Variants in SLAMF7 observed in about 807,000 individuals in gnomAD.
SLAMF7 encodes the protein 19A24 protein.
SLAMF7 carries 26 observed loss-of-function variants against 34.1 expected under a neutral mutation model. The observed-to-expected ratio is 0.76, with a 90% CI of 0.56 to 1.06. The LOEUF is 1.06. SLAMF7 is among the 50% of genes least tolerant of loss of function. SLAMF7 has a pLI of 0.00. For synonymous variants in SLAMF7, 171 were observed against 156.4 expected (o/e 1.09, Z -0.70); for missense variants, 399 against 402.5 (o/e 0.99, Z 0.07).
rs913713032 is a variant in SLAMF7 at position 160,751,428 on chromosome 1, G to A, written c.853G>A (p.Asp285Asn). 5.6e-6 allele frequency: 9 copies of A among 1,613,532 alleles called. No homozygotes were observed. Among genetic ancestry groups the A allele is most frequent in the South Asian group, 3.3e-5 (3 of 91,066 alleles). Residue 285 changes from aspartate to asparagine, a missense_variant, in exon 5 of 7, where the codon GAC (aspartate) becomes AAC (asparagine). By Grantham distance (23) the Asp-to-Asn change is conservative. Coordinates refer to ENST00000368043, the MANE Select transcript of SLAMF7 (RefSeq NM_021181.5). ...CPHSGENTEY[D>N]TIPHTNRTIL... ...CCATTCTGGAGAGAACACAGAGTAC[G>A]ACACAATCCCTCACACTAATGTGAG...
At chr1:160,751,567 A>C (rs1664589086) in intron 5 of SLAMF7, 119 bp downstream of exon 5, 4 of 751,594 alleles carry the variant, frequency 5.3e-6, no homozygotes, top group South Asian at 4.9e-5. Context: ...ATATAGACTT[A>C]AAACTCAATG....
At chr1:160,750,523 G>T in intron 4 of SLAMF7, 100 bp downstream of exon 4, 1 of 1,419,396 alleles carries the variant, frequency 7.0e-7, no homozygotes, top group Non-Finnish European at 9.6e-7. Context: ...TTGGCATGAG[G>T]TGTTGAAGAT....
chr1:160,748,590 G>T, intron 2 of SLAMF7, 76 bp downstream of exon 2: 4 of 1,344,288 alleles, frequency 3.0e-6, no homozygotes, highest in Non-Finnish European at 4.1e-6. Context: ...AGATGTTTAA[G>T]CAGAGGCTGA....
chr1:160,746,639 T>C (rs541111857), intron 1 of SLAMF7, among the ~76,000 whole-genome samples: 199 of 152,334 alleles, frequency 1.3e-3, no homozygotes, highest in African/African-American at 4.6e-3. Context: ...CATAGGGTAA[T>C]TGATTGCAAA....
Position 160,751,409 on chromosome 1 carries a change from T to A in SLAMF7, c.834T>A (p.Ser278=), listed in dbSNP as rs1490564569. ...CRETPNICPH[S]GENTEYDTIP... ...AAACTCCTAACATATGCCCCCATTCTGGAGAGAACACAGAGTACGACACAA... is the reference window on the plus strand; with the variant it reads ...AAACTCCTAACATATGCCCCCATTCAGGAGAGAACACAGAGTACGACACAA... The change falls in exon 5 of 7, where the codon TCT becomes TCA. Residue 278 remains serine, a synonymous_variant. Coordinates refer to ENST00000368043, the MANE Select transcript of SLAMF7 (RefSeq NM_021181.5). The A allele has an allele frequency of 6.2e-7, 1 of 1,614,014 alleles. No homozygotes were observed. The highest frequency in any genetic ancestry group is 8.5e-7 in the Non-Finnish European group (1 of 1,179,884).
intron 1 of SLAMF7, among the ~76,000 whole-genome samples, chr1:160,741,323 A>T (rs1663725217): frequency 6.6e-6 from 1 of 152,202 alleles, no homozygotes; most frequent in African/African-American, 2.4e-5. Flanking sequence ...GAACCAGAAG[A>T]AACAAGGAAG....
At chr1:160,749,066 A>G (rs1035896280) in intron 2 of SLAMF7, among the ~76,000 whole-genome samples, 1 of 152,196 alleles carries the variant, frequency 6.6e-6, no homozygotes, top group African/African-American at 2.4e-5. Context: ...AACTTCTTCA[A>G]GAAGAATAGC....
Position 160,748,367 on chromosome 1 carries a change from A to C in SLAMF7, c.229A>C (p.Asn77His). ...GGTIIVTQNR[N>H]RERVDFPDGG... ...CACTATCATAGTGACCCAAAATCGT[A>C]ATAGGGAGAGAGTAGACTTCCCAGA... The change falls in exon 2 of 7, where the codon AAT (asparagine) becomes CAT (histidine). Residue 77 changes from asparagine to histidine, a missense_variant. By Grantham distance (68) the Asn-to-His change is moderately conservative (BLOSUM62 1). Coordinates refer to ENST00000368043, the MANE Select transcript of SLAMF7 (RefSeq NM_021181.5). 6.2e-7 allele frequency: 1 copy of C among 1,614,090 alleles called. No individual in the cohort carries two copies. The highest frequency in any genetic ancestry group is 8.5e-7 in the Non-Finnish European group (1 of 1,179,978).
In SLAMF7 at chr1:160,739,351, T is replaced by C. The variant is rs1663547337; in HGVS notation, c.50T>C (p.Leu17Pro). The change falls in exon 1 of 7, where the codon CTC becomes CCC. Residue 17 changes from leucine (L) to proline (P), a missense_variant. Physicochemically the swap from Leu to Pro is moderately conservative, Grantham distance 98. Coordinates refer to ENST00000368043, the MANE Select transcript of SLAMF7 (RefSeq NM_021181.5). The stretch of plus-strand genomic sequence containing the variant: ...ACCCTCATCTATATCCTTTGGCAGC[T>C]CACAGGTGAGTCCGGCCGGATTCTC... ...CLTLIYILWQ[L>P]TGSAASGPVK... is the part of the protein sequence containing the mutation. 1 of 1,613,264 alleles carries C rather than the reference T, an allele frequency of 6.2e-7. No homozygotes were observed. The highest frequency in any genetic ancestry group is 1.3e-5 in the African/African-American group (1 of 74,904).
chr1:160,748,295 T>C lies in SLAMF7; in HGVS notation c.157T>C (p.Trp53Arg). Reference protein sequence around the residue: ...SKVKQVDSIVWTFNTTPLVTI... With the variant: ...SKVKQVDSIVRTFNTTPLVTI... The stretch of plus-strand genomic sequence containing the variant: ...AGTAAAGCAAGTTGACTCTATTGTC[T>C]GGACCTTCAACACAACCCCTCTTGT... The change falls in exon 2 of 7, where the codon TGG (tryptophan) becomes CGG (arginine). Residue 53 changes from tryptophan (W) to arginine (R), a missense_variant. Trp to Arg is a moderately radical substitution (Grantham distance 101). Coordinates refer to ENST00000368043, the MANE Select transcript of SLAMF7 (RefSeq NM_021181.5). 1 of 1,614,126 alleles carries C rather than the reference T, an allele frequency of 6.2e-7. No individual in the cohort carries two copies. The highest frequency in any genetic ancestry group is 1.3e-5 in the African/African-American group (1 of 75,042).
At chr1:160,748,083 G>GT in intron 1 of SLAMF7, 111 bp from the exon 2 acceptor site, 2 of 1,084,582 alleles carry the variant, frequency 1.8e-6, no homozygotes, top group Non-Finnish European at 2.6e-6. Context: ...CCAGGAGGTT[G>GT]TTGTGTTGGA....
rs34181635 is a variant in SLAMF7, at chr1:160,750,041, C to T, written c.597C>T (p.Asn199=). ...TGACCTTCATCTGCGTTGCCAGGAA[C>T]CCTGTCAGCAGAAACTTCTCAAGCC... ...SDMTFICVAR[N]PVSRNFSSPI... The change falls in exon 3 of 7, where the codon AAC becomes AAT. Residue 199 remains asparagine, a synonymous_variant. Transcript: ENST00000368043. 9.1e-5 allele frequency: 147 copies of T among 1,614,130 alleles called. No homozygotes were observed. In the African/African-American group the frequency reaches 1.7e-3, roughly 19 times the overall value.
chr1:160,748,737 G>A (rs528846619), intron 2 of SLAMF7, among the ~76,000 whole-genome samples: 1 of 152,308 alleles, frequency 6.6e-6, no homozygotes, highest in Non-Finnish European at 1.5e-5. Context: ...ATGTGCAGTG[G>A]CCATCGCATA....
At position 160,750,347 on chromosome 1, in the gene SLAMF7, C is replaced by T; in HGVS notation, c.693C>T (p.Leu231=). The change falls in exon 4 of 7, where the codon CTC becomes CTT. Residue 231 remains leucine (L), a synonymous_variant. Coordinates refer to ENST00000368043, the MANE Select transcript of SLAMF7 (RefSeq NM_021181.5). ...DPDSSMVLLC[L]LLVPLLLSLF... is the part of the protein sequence containing the mutation. ...ATTCCTCCATGGTCCTCCTGTGTCT[C>T]CTGTTGGTGCCCCTCCTGCTCAGTC... 14 of 1,614,128 alleles carry T rather than the reference C, an allele frequency of 8.7e-6. No individual in the cohort carries two copies. The highest frequency in any genetic ancestry group is 1.1e-5 in the Non-Finnish European group (13 of 1,179,968).
intron 2 of SLAMF7, 56 bp from the exon 3 acceptor site, chr1:160,749,765 A>G: frequency 1.4e-6 from 2 of 1,447,230 alleles, no homozygotes; most frequent in Non-Finnish European, 1.9e-6. Flanking sequence ...AGGATAATTC[A>G]GAGAATGGAG....
intron 1 of SLAMF7, 59 bp downstream of exon 1, chr1:160,739,415 G>T (rs1663554325): frequency 6.7e-7 from 1 of 1,499,380 alleles, no homozygotes; most frequent in Non-Finnish European, 9.1e-7. Flanking sequence ...ATAGTTCCAG[G>T]TTTCTTGTTC....
In SLAMF7 at chr1:160,739,348, A is replaced by G; in HGVS notation, c.47A>G (p.Gln16Arg). 1 of 1,613,486 alleles carries G rather than the reference A, an allele frequency of 6.2e-7. No individual in the cohort carries two copies. Among genetic ancestry groups the G allele is most frequent in the South Asian group, 1.1e-5 (1 of 91,012 alleles). Residue 16 changes from glutamine (Q) to arginine (R), a missense_variant, in exon 1 of 7, where the codon CAG (glutamine) becomes CGG (arginine). By Grantham distance (43) the Gln-to-Arg change is conservative (BLOSUM62 1). Transcript: ENST00000368043. ...TCLTLIYILW[Q>R]LTGSAASGPV... ...CTCACCCTCATCTATATCCTTTGGCAGCTCACAGGTGAGTCCGGCCGGATT... is the reference window on the plus strand; with the variant it reads ...CTCACCCTCATCTATATCCTTTGGCGGCTCACAGGTGAGTCCGGCCGGATT...
Position 160,750,323 on chromosome 1 carries a change from T to C in SLAMF7, c.669T>C (p.Asp223=). The change falls in exon 4 of 7, where the codon GAT becomes GAC. Residue 223 remains aspartate, a synonymous_variant. Transcript: ENST00000368043. ...KLCEGAADDP[D]SSMVLLCLLL... ...CTGAAGGTGCTGCTGATGACCCAGA[T>C]TCCTCCATGGTCCTCCTGTGTCTCC... 2.5e-6 allele frequency: 4 copies of C among 1,614,054 alleles called. No individual in the cohort carries two copies. Among genetic ancestry groups the C allele is most frequent in the Non-Finnish European group, 2.5e-6 (3 of 1,179,938 alleles).
At chr1:160,745,192 G>T (rs560542757) in intron 1 of SLAMF7, among the ~76,000 whole-genome samples, 11 of 152,296 alleles carry the variant, frequency 7.2e-5, no homozygotes, top group Admixed American at 5.9e-4. Flanking sequence ...GTAAGCAAGG[G>T]AGTGGGTCAC....
Sources: gnomAD v4.1 joint callset for allele counts (sites outside exome capture counted in the v4.1 genomes callset) on GRCh38, gnomAD v4.1.1 for gene constraint, MANE v1.5 for transcripts, NCBI Gene and HGNC (gene_info 2026-07-23, HGNC 2026-07-21) for gene names.